Variants in ADGRL3 observed in about 807,000 individuals in gnomAD.
ADGRL3 encodes the protein calcium-independent alpha-latrotoxin receptor 3.
A neutral mutation model predicts 153.5 loss-of-function variants in ADGRL3; 62 were observed. That is an observed-to-expected ratio of 0.40 (90% CI 0.33 to 0.50). ADGRL3 has a LOEUF of 0.50. Ranked by LOEUF, ADGRL3 falls within the 20% of genes least tolerant of loss-of-function variation. ADGRL3 has a pLI of 0.47. For missense variants in ADGRL3, 1,641 were observed against 1,859.4 expected (o/e 0.88, Z 2.16); for synonymous variants, 710 against 672.5 (o/e 1.06, Z -0.86).
intron 2 of ADGRL3, among the ~76,000 whole-genome samples, chr4:61,456,684 A>G (rs2152555259): frequency 6.6e-6 from 1 of 151,524 alleles, no homozygotes; most frequent in East Asian, 1.9e-4. Context: ...ACCATTTTTT[A>G]TTCTAGAACA....
intron 9 of ADGRL3, among the ~76,000 whole-genome samples, chr4:61,830,100 T>A (rs1482669608): frequency 6.6e-6 from 1 of 151,938 alleles, no homozygotes; most frequent in Non-Finnish European, 1.5e-5. Context: ...GACTTGACCT[T>A]CCAGGTTCAA....
chr4:61,210,318 G>T (rs2148837513), intron 1 of ADGRL3, among the ~76,000 whole-genome samples: 1 of 152,200 alleles, frequency 6.6e-6, no homozygotes, highest in African/African-American at 2.4e-5. Flanking sequence ...TGTTTGATCA[G>T]CTTGTGTTGG....
chr4:61,791,937 C>T (rs2097347762), intron 8 of ADGRL3, among the ~76,000 whole-genome samples: 1 of 152,150 alleles, frequency 6.6e-6, no homozygotes, highest in Admixed American at 6.5e-5. Flanking sequence ...GGGCCCGGCC[C>T]ATGAAACCAC....
chr4:61,874,040 T>C (rs2098460233), intron 9 of ADGRL3, among the ~76,000 whole-genome samples: 1 of 152,166 alleles, frequency 6.6e-6, no homozygotes, highest in Admixed American at 6.5e-5. Flanking sequence ...TGGAAAGCAT[T>C]AGGCTTGTGT....
chr4:61,348,000 T>C (rs1215435354), intron 1 of ADGRL3, among the ~76,000 whole-genome samples: 2 of 152,126 alleles, frequency 1.3e-5, no homozygotes, highest in Non-Finnish European at 2.9e-5. Flanking sequence ...CATCATTTAT[T>C]AAAGGCAGAC....
intron 1 of ADGRL3, among the ~76,000 whole-genome samples, chr4:61,293,405 A>C (rs1560437213): frequency 6.6e-6 from 1 of 152,188 alleles, no homozygotes; most frequent in Non-Finnish European, 1.5e-5. Context: ...CTATGATTTA[A>C]AAGCAGTTGC....
At chr4:61,700,584 A>G (rs1454332272) in intron 6 of ADGRL3, among the ~76,000 whole-genome samples, 1 of 152,180 alleles carries the variant, frequency 6.6e-6, no homozygotes, top group Non-Finnish European at 1.5e-5. Flanking sequence ...GGTAATAGGA[A>G]CAAATGAGAT....
intron 9 of ADGRL3, among the ~76,000 whole-genome samples, chr4:61,832,850 G>A (rs1461477242): frequency 6.9e-6 from 1 of 144,910 alleles, no homozygotes; most frequent in Non-Finnish European, 1.5e-5. Flanking sequence ...TCTATGTGCA[G>A]TGTTCTTATC....
Position 61,517,514 on chromosome 4 carries a change from G to A in ADGRL3, c.255G>A (p.Ala85=), listed in dbSNP as rs780385542. 7.1e-6 allele frequency: 5 copies of A among 706,326 alleles called. No homozygotes were observed. Among genetic ancestry groups the A allele is most frequent in the Non-Finnish European group, 1.3e-5 (5 of 389,286 alleles). 43.8% of individuals were successfully genotyped at this position (706,326 alleles called of 1,614,324 possible). The change falls in exon 4 of 27, where the codon GCG becomes GCA. Residue 85 remains alanine, a synonymous_variant. Coordinates refer to ENST00000683033, the MANE Select transcript of ADGRL3 (RefSeq NM_001387552.1). Reference sequence around the variant, plus strand: ...GTGCCCAAGGAGCACAGATTGCAGCGCAAGGTGCGGCCAGCGGTGGGGAGA... The same window carrying A: ...GTGCCCAAGGAGCACAGATTGCAGCACAAGGTGCGGCCAGCGGTGGGGAGA... ...GPGAQGAQIA[A]QAFSRAPIPM...
At chr4:61,554,694 T>G (rs2098757330) in intron 4 of ADGRL3, among the ~76,000 whole-genome samples, 1 of 152,168 alleles carries the variant, frequency 6.6e-6, no homozygotes, top group Non-Finnish European at 1.5e-5. Context: ...TTAATTTCAG[T>G]GGCCATACTG....
intron 4 of ADGRL3, among the ~76,000 whole-genome samples, chr4:61,577,152 GTGTGTGTGTGTGTGTA>G (rs1436974811): frequency 2.0e-5 from 3 of 148,236 alleles, no homozygotes; most frequent in Non-Finnish European, 4.5e-5. Context: ...GTGAATAATT[GTGTGTGTGTGTGTGTA>G]TGTGTGTGTG....
At chr4:62,038,058 G>T (rs1036626272) in intron 24 of ADGRL3, among the ~76,000 whole-genome samples, 8 of 152,072 alleles carry the variant, frequency 5.3e-5, no homozygotes, top group African/African-American at 1.9e-4. Context: ...CTGCAAATTT[G>T]AAGTTTGCAT....
At chr4:61,905,907 A>G (rs1250391761) in intron 11 of ADGRL3, among the ~76,000 whole-genome samples, 1 of 150,902 alleles carries the variant, frequency 6.6e-6, no homozygotes, top group Non-Finnish European at 1.5e-5. Context: ...AAAAAAAAAG[A>G]AAAAAAAAGT....
intron 2 of ADGRL3, chr4:61,427,819 T>A (rs1219769014): frequency 6.5e-6 from 1 of 152,682 alleles, no homozygotes; most frequent in Non-Finnish European, 1.5e-5. Flanking sequence ...TTACCTGAGC[T>A]GTATCCCTCA....
At chr4:61,618,129 T>C (rs2092207576) in intron 5 of ADGRL3, among the ~76,000 whole-genome samples, 1 of 152,174 alleles carries the variant, frequency 6.6e-6, no homozygotes, top group Non-Finnish European at 1.5e-5. Flanking sequence ...AAGAGATTTA[T>C]TGGTGCAACC....
intron 9 of ADGRL3, among the ~76,000 whole-genome samples, chr4:61,836,420 T>G (rs1188434440): frequency 6.6e-6 from 1 of 152,166 alleles, no homozygotes; most frequent in Non-Finnish European, 1.5e-5. Flanking sequence ...GTGTTTCCTT[T>G]ATAAAATCCA....
chr4:61,464,760 C>A (rs2097860119), intron 2 of ADGRL3, among the ~76,000 whole-genome samples: 1 of 152,064 alleles, frequency 6.6e-6, no homozygotes, highest in Non-Finnish European at 1.5e-5. Context: ...ATATTTTATG[C>A]AAAGTATTTG....
At chr4:61,578,483 G>C (rs968209233) in intron 4 of ADGRL3, among the ~76,000 whole-genome samples, 3 of 151,664 alleles carry the variant, frequency 2.0e-5, no homozygotes, top group Non-Finnish European at 4.4e-5. Flanking sequence ...TAATCTATTG[G>C]CTAATAATTT....
chr4:61,649,139 A>G (rs2150356587), intron 5 of ADGRL3, among the ~76,000 whole-genome samples: 1 of 152,126 alleles, frequency 6.6e-6, no homozygotes, highest in East Asian at 1.9e-4. Flanking sequence ...GTTAAAATGT[A>G]TTTTGGAAAT....
Sources: gnomAD v4.1 joint callset for allele counts (sites outside exome capture counted in the v4.1 genomes callset) on GRCh38, gnomAD v4.1.1 for gene constraint, MANE v1.5 for transcripts, NCBI Gene and HGNC (gene_info 2026-07-23, HGNC 2026-07-21) for gene names.